TBCK: variants seen among roughly 807,000 people sequenced by gnomAD.
The protein encoded by TBCK is TBC domain-containing protein kinase-like protein.
Under a neutral mutation model 113.4 loss-of-function variants are expected in TBCK, and 99 were observed. That is an observed-to-expected ratio of 0.87 (90% CI 0.74 to 1.03). The LOEUF is 1.03. TBCK is among the 50% of genes least tolerant of loss of function. TBCK has a pLI of 0.00. For missense variants in TBCK, 1,045 were observed against 1,061.3 expected (o/e 0.98, Z 0.21); for synonymous variants, 369 against 370.8 (o/e 1.00, Z 0.05).
chr4:106,073,803 A>C (rs900879974), intron 25 of TBCK, among the ~76,000 whole-genome samples: 1 of 151,886 alleles, frequency 6.6e-6, no homozygotes, highest in African/African-American at 2.4e-5. Context: ...TTGTTTACCC[A>C]CTCAAGTCTT....
chr4:106,179,261 TTTA>T (rs562212948), intron 22 of TBCK, among the ~76,000 whole-genome samples: 50 of 152,146 alleles, frequency 3.3e-4, no homozygotes, highest in African/African-American at 1.2e-3. Flanking sequence ...TATTCTGCTC[TTTA>T]TTATTTTTCC....
At chr4:106,179,562 TC>T (rs1481351309) in intron 22 of TBCK, among the ~76,000 whole-genome samples, 1 of 152,100 alleles carries the variant, frequency 6.6e-6, no homozygotes, top group African/African-American at 2.4e-5. Context: ...TTTCTAATGT[TC>T]CTTTTCTTAA....
At chr4:106,281,823 G>C (rs1333012836) in intron 3 of TBCK, among the ~76,000 whole-genome samples, 1 of 151,950 alleles carries the variant, frequency 6.6e-6, no homozygotes, top group Admixed American at 6.6e-5. Context: ...CTGTGGGGGA[G>C]TTTTGCATCA....
chr4:106,249,032 C>A, intron 7 of TBCK, 50 bp from the exon 8 acceptor site: 2 of 1,352,566 alleles, frequency 1.5e-6, no homozygotes, highest in Non-Finnish European at 2.0e-6. Flanking sequence ...CTAATCTGTC[C>A]AACAAACCAG....
intron 25 of TBCK, among the ~76,000 whole-genome samples, chr4:106,082,751 T>C (rs12506658): frequency 0.13 from 19,682 of 152,170 alleles, 1,606 homozygotes; most frequent in South Asian, 0.24. Flanking sequence ...AATCCTTCAC[T>C]GGCAACCAAG....
chr4:106,153,476 A>G (rs1405110023), intron 23 of TBCK, among the ~76,000 whole-genome samples: 1 of 152,124 alleles, frequency 6.6e-6, no homozygotes, highest in Non-Finnish European at 1.5e-5. Flanking sequence ...CATATGGTCT[A>G]TCTCTGGATA....
Position 106,044,798 on chromosome 4 carries a change from A to C in TBCK, c.*1772T>G, listed in dbSNP as rs1369500035. On this transcript the variant is annotated 3_prime_UTR_variant, in exon 26 of 26. Coordinates refer to ENST00000394708, the MANE Select transcript of TBCK (RefSeq NM_001163435.3). ...GAATTTTATGGTTAAGTATATCTCA[A>C]TTTAAAAAGTAGATGCAAAGAAAAA... 1 of 152,248 alleles carries C rather than the reference A, an allele frequency of 6.6e-6. No homozygotes were observed. Among genetic ancestry groups the C allele is most frequent in the Admixed American group, 6.5e-5 (1 of 15,290 alleles). The allele number at this position is 152,248 out of a possible 1,614,324, so 9.4% of individuals were successfully genotyped here. A position where few individuals can be genotyped will look rare whatever the true frequency, so the allele number is the denominator to read the frequency against.
chr4:106,205,623 A>G (rs1391341708), intron 20 of TBCK, among the ~76,000 whole-genome samples: 1 of 146,132 alleles, frequency 6.8e-6, no homozygotes, highest in Non-Finnish European at 1.5e-5. Flanking sequence ...AAAATTAGCC[A>G]GGCATGGTGG....
intron 25 of TBCK, among the ~76,000 whole-genome samples, chr4:106,070,856 C>A (rs942047549): frequency 6.6e-6 from 1 of 152,194 alleles, no homozygotes; most frequent in East Asian, 1.9e-4. Context: ...TCAAGTTCTT[C>A]CTGGTTTAGT....
At chr4:106,073,562 G>A (rs909364404) in intron 25 of TBCK, among the ~76,000 whole-genome samples, 3 of 152,224 alleles carry the variant, frequency 2.0e-5, no homozygotes, top group Admixed American at 1.3e-4. Context: ...CAGTTAGGCT[G>A]CACGGGTGTC....
intron 4 of TBCK, among the ~76,000 whole-genome samples, chr4:106,261,086 C>T (rs1173278892): frequency 6.6e-6 from 1 of 151,972 alleles, no homozygotes; most frequent in Non-Finnish European, 1.5e-5. Context: ...TATAATTTTA[C>T]ATATTTTAAG....
In TBCK at chr4:106,193,686, G is replaced by T. The variant is rs768774038; in HGVS notation, c.1982C>A (p.Ala661Glu). The change falls in exon 22 of 26, where the codon GCA becomes GAA. Residue 661 changes from alanine (A) to glutamate (E), a missense_variant. Transcript: ENST00000394708. ...CCGGTCCCGCAGCTGCTGAAGAATT[G>T]CTACTCCAATACAGAATGGGAAAGA... is the stretch of plus-strand genomic sequence containing the variant. ...NSSFPFCIGV[A>E]ILQQLRDRLL... The T allele has an allele frequency of 6.2e-7, 1 of 1,613,292 alleles. No individual in the cohort carries two copies. The highest frequency in any genetic ancestry group is 8.5e-7 in the Non-Finnish European group (1 of 1,179,560).
chr4:106,085,544 T>C (rs1265580573), intron 25 of TBCK, among the ~76,000 whole-genome samples: 1 of 152,138 alleles, frequency 6.6e-6, no homozygotes, highest in African/African-American at 2.4e-5. Context: ...ACTGTCAGTA[T>C]TAGATCAATG....
chr4:106,214,760 G>C (rs928117074), intron 19 of TBCK, among the ~76,000 whole-genome samples: 2 of 151,474 alleles, frequency 1.3e-5, no homozygotes, highest in Middle Eastern at 3.4e-3. Flanking sequence ...GAAAGTGATG[G>C]GGAGAATGGA....
intron 25 of TBCK, among the ~76,000 whole-genome samples, chr4:106,055,573 C>G (rs866576802): frequency 8.0e-6 from 1 of 125,006 alleles, no homozygotes; most frequent in Non-Finnish European, 1.8e-5. Flanking sequence ...CACACACACA[C>G]ACATATATAT....
At chr4:106,150,497 C>T in intron 23 of TBCK, among the ~76,000 whole-genome samples, 1 of 152,048 alleles carries the variant, frequency 6.6e-6, no homozygotes, top group East Asian at 1.9e-4. Context: ...TAAAAATGCA[C>T]TTTCAACAAC....
At chr4:106,060,535 A>T (rs971466618) in intron 25 of TBCK, among the ~76,000 whole-genome samples, 3 of 151,818 alleles carry the variant, frequency 2.0e-5, no homozygotes, top group Non-Finnish European at 4.4e-5. Flanking sequence ...AGAAAAAAAG[A>T]TTCCTTTCAA....
chr4:106,158,038 G>A (rs2149699524), intron 23 of TBCK, among the ~76,000 whole-genome samples: 1 of 152,242 alleles, frequency 6.6e-6, no homozygotes, highest in East Asian at 1.9e-4. Flanking sequence ...CTACAGCATA[G>A]AAAAATTAGA....
chr4:106,065,314 T>G (rs1414406484), intron 25 of TBCK, among the ~76,000 whole-genome samples: 2 of 152,048 alleles, frequency 1.3e-5, no homozygotes, highest in Non-Finnish European at 2.9e-5. Flanking sequence ...GGGCTCTCTG[T>G]ATATATCCTG....
Sources: gnomAD v4.1 joint callset for allele counts (sites outside exome capture counted in the v4.1 genomes callset) on GRCh38, gnomAD v4.1.1 for gene constraint, MANE v1.5 for transcripts, NCBI Gene and HGNC (gene_info 2026-07-23, HGNC 2026-07-21) for gene names.